Variants in PRKCB observed in about 807,000 individuals in gnomAD.
The protein encoded by PRKCB is protein kinase C beta, also known as protein kinase C beta type.
In PRKCB, 13 loss-of-function variants were observed where a neutral mutation model predicts 81.5. That is an observed-to-expected ratio of 0.16 (90% CI 0.10 to 0.25). PRKCB has a LOEUF of 0.25. PRKCB is among the 10% of genes least tolerant of loss of function. The pLI is 1.00. For synonymous variants in PRKCB, 335 were observed against 321.4 expected (o/e 1.04, Z -0.45); for missense variants, 509 against 875.7 (o/e 0.58, Z 5.29).
At chr16:24,154,294 T>C (rs374747) in intron 9 of PRKCB, among the ~76,000 whole-genome samples, 55,310 of 152,042 alleles carry the variant, frequency 0.36, 10,436 homozygotes, top group South Asian at 0.47. Context: ...CTGGGCAACA[T>C]AGTGAGACCT....
At chr16:24,034,855 C>T (rs553252292) in intron 4 of PRKCB, among the ~76,000 whole-genome samples, 10 of 152,266 alleles carry the variant, frequency 6.6e-5, no homozygotes, top group Admixed American at 3.3e-4. Context: ...ATTGCATCCA[C>T]GTGGCAAACG....
intron 10 of PRKCB, among the ~76,000 whole-genome samples, chr16:24,162,782 T>C (rs1299927198): frequency 6.6e-6 from 1 of 152,100 alleles, no homozygotes; most frequent in African/African-American, 2.4e-5. Flanking sequence ...AGAAATTAGT[T>C]AATGCGTGCA....
At chr16:24,079,086 CG>C (rs1187200936) in intron 5 of PRKCB, among the ~76,000 whole-genome samples, 1 of 152,198 alleles carries the variant, frequency 6.6e-6, no homozygotes. Context: ...TAACTAATGA[CG>C]TTCCACCATT....
At chr16:23,980,173 A>G (rs1964675767) in intron 2 of PRKCB, among the ~76,000 whole-genome samples, 1 of 152,228 alleles carries the variant, frequency 6.6e-6, no homozygotes, top group Admixed American at 6.5e-5. Context: ...CCCTTTGCAA[A>G]CTCAATAGCA....
intron 7 of PRKCB, among the ~76,000 whole-genome samples, chr16:24,095,916 T>C (rs2141902959): frequency 6.6e-6 from 1 of 152,310 alleles, no homozygotes; most frequent in East Asian, 1.9e-4. Flanking sequence ...CTTAGCAGAA[T>C]TCAGGCTCCT....
chr16:24,173,868 G>A (rs533979185), intron 11 of PRKCB, among the ~76,000 whole-genome samples: 1 of 152,334 alleles, frequency 6.6e-6, no homozygotes, highest in South Asian at 2.1e-4. Flanking sequence ...ATACTAGTAG[G>A]ACCTACCTTA....
chr16:24,140,086 T>C (rs1321217923), intron 9 of PRKCB, among the ~76,000 whole-genome samples: 1 of 152,234 alleles, frequency 6.6e-6, no homozygotes, highest in African/African-American at 2.4e-5. Flanking sequence ...GCAAGTGCAT[T>C]TGATTCCTTC....
At chr16:23,903,349 C>A (rs549500856) in intron 2 of PRKCB, among the ~76,000 whole-genome samples, 1 of 151,910 alleles carries the variant, frequency 6.6e-6, no homozygotes, top group Non-Finnish European at 1.5e-5. Context: ...TTTTTCTAAG[C>A]GTATGGAGAC....
intron 9 of PRKCB, among the ~76,000 whole-genome samples, chr16:24,133,265 C>A (rs1966856206): frequency 6.6e-6 from 1 of 152,192 alleles, no homozygotes; most frequent in East Asian, 1.9e-4. Context: ...TGCCATTAGA[C>A]AAACCACATA....
At chr16:24,020,585 T>C (rs1396932151) in intron 3 of PRKCB, among the ~76,000 whole-genome samples, 1 of 152,224 alleles carries the variant, frequency 6.6e-6, no homozygotes, top group South Asian at 2.1e-4. Flanking sequence ...GATACGGTTA[T>C]TGGACCCATT....
chr16:23,869,832 A>T (rs1321391784), intron 2 of PRKCB, among the ~76,000 whole-genome samples: 3 of 152,084 alleles, frequency 2.0e-5, no homozygotes, highest in Non-Finnish European at 4.4e-5. Flanking sequence ...GACCAGCCTG[A>T]CCAACATGGT....
intron 2 of PRKCB, among the ~76,000 whole-genome samples, chr16:23,841,941 C>A (rs1213618626): frequency 6.6e-6 from 1 of 151,978 alleles, no homozygotes; most frequent in Non-Finnish European, 1.5e-5. Flanking sequence ...CAGGTGTGAG[C>A]CACTGAACCT....
intron 7 of PRKCB, among the ~76,000 whole-genome samples, chr16:24,108,775 A>C (rs1966615174): frequency 6.6e-6 from 1 of 151,294 alleles, no homozygotes. Context: ...CACGGCAACC[A>C]TCCGATTTCT....
intron 2 of PRKCB, among the ~76,000 whole-genome samples, chr16:23,871,829 C>T (rs747522027): frequency 3.0e-4 from 45 of 149,780 alleles, no homozygotes; most frequent in Non-Finnish European, 5.5e-4. Flanking sequence ...CTGCCCAACT[C>T]AGCCTCTCAG....
At position 24,215,648 on chromosome 16, in the gene PRKCB, GA is replaced by G. The variant is rs905047715; in HGVS notation, c.*841del. ...TGTTGTTGTTCAAATGCAAAAAAAA[GA>G]AAAAAAAAGAAAAAAAAAGGTGACT... On this transcript the variant is annotated 3_prime_UTR_variant, in exon 17 of 17. Coordinates refer to ENST00000643927, the MANE Select transcript of PRKCB (RefSeq NM_002738.7). The G allele has an allele frequency of 1.2e-5, 11 of 917,476 alleles. No homozygotes were observed. The South Asian group carries it at 2.4e-4, about 20-fold the overall frequency. 56.8% of individuals were successfully genotyped at this position (917,476 alleles called of 1,614,324 possible).
At chr16:23,908,572 C>T (rs1366480627) in intron 2 of PRKCB, among the ~76,000 whole-genome samples, 1 of 152,106 alleles carries the variant, frequency 6.6e-6, no homozygotes, top group Middle Eastern at 3.2e-3. Context: ...GCTCTGTCGC[C>T]CCAGGCTGGA....
intron 9 of PRKCB, among the ~76,000 whole-genome samples, chr16:24,148,736 C>T (rs1967030539): frequency 6.6e-6 from 1 of 152,130 alleles, no homozygotes; most frequent in Non-Finnish European, 1.5e-5. Flanking sequence ...AACACTTATT[C>T]TAAAACGAGG....
Position 24,215,386 on chromosome 16 carries a change from CT to C in PRKCB, c.*574del, listed in dbSNP as rs1468469137. ...AAAGTTCTAAAATTCCAAGAATGTG[CT>C]TTTAGACGGTCTCAATCTAAAAGCA... On this transcript the variant is annotated 3_prime_UTR_variant, in exon 17 of 17. Coordinates refer to ENST00000643927, the MANE Select transcript of PRKCB (RefSeq NM_002738.7). 9.1e-6 allele frequency: 9 copies of C among 985,966 alleles called. No homozygotes were observed. The highest frequency in any genetic ancestry group is 1.2e-4 in the Admixed American group (2 of 16,316). 61.1% of individuals were successfully genotyped at this position (985,966 alleles called of 1,614,324 possible). A position where few individuals can be genotyped will look rare whatever the true frequency, so the allele number is the denominator to read the frequency against.
intron 2 of PRKCB, among the ~76,000 whole-genome samples, chr16:23,888,111 T>C (rs1386693040): frequency 6.6e-6 from 1 of 152,206 alleles, no homozygotes; most frequent in Non-Finnish European, 1.5e-5. Flanking sequence ...TTTTCCCAGC[T>C]TGGTTCTTGC....
Sources: gnomAD v4.1 joint callset for allele counts (sites outside exome capture counted in the v4.1 genomes callset) on GRCh38, gnomAD v4.1.1 for gene constraint, MANE v1.5 for transcripts, NCBI Gene and HGNC (gene_info 2026-07-23, HGNC 2026-07-21) for gene names.